USP24: variants seen among roughly 807,000 people sequenced by gnomAD.
USP24 encodes ubiquitin carboxyl-terminal hydrolase 24.
USP24 carries 97 observed loss-of-function variants against 361.6 expected under a neutral mutation model. The observed-to-expected ratio is 0.27, with a 90% CI of 0.23 to 0.32. The LOEUF (loss-of-function observed/expected upper bound fraction) is 0.32, where lower values mean the gene tolerates loss of function less well. Ranked by LOEUF, USP24 falls within the 10% of genes least tolerant of loss-of-function variation. USP24 has a pLI of 1.00. For synonymous variants in USP24, 1,098 were observed against 1,124.6 expected (o/e 0.98, Z 0.47); for missense variants, 2,353 against 3,165.6 (o/e 0.74, Z 6.16).
rs547091559 is a variant in USP24 at position 55,202,659 on chromosome 1, C to T, written c.324+12131G>A. 5.3e-5 allele frequency among the ~76,000 whole-genome samples: 8 copies of T among 152,330 alleles called. No homozygotes were observed. In the South Asian group the frequency reaches 1.7e-3, roughly 32 times the overall value. ...ACCTCAGGTGATCCACCTGCCTTGG[C>T]CTCCCAAAGTGCTGTGATTACAGGC... On this transcript the variant is annotated intron_variant, in intron 1 of 67. Coordinates refer to ENST00000294383, the MANE Select transcript of USP24 (RefSeq NM_015306.3).
intron 67 of USP24, among the ~76,000 whole-genome samples, chr1:55,070,486 T>C (rs77868073): frequency 0.026 from 3,889 of 152,198 alleles, 62 homozygotes; most frequent in Non-Finnish European, 0.037. Flanking sequence ...CCAGGAGCGC[T>C]AGATGCTGCC....
intron 40 of USP24, among the ~76,000 whole-genome samples, chr1:55,106,969 C>A (rs75400710): frequency 0.015 from 2,229 of 152,212 alleles, 59 homozygotes; most frequent in African/African-American, 0.052. Context: ...AGAGAAAAAT[C>A]TACTTTGAAT....
At position 55,072,484 on chromosome 1, in the gene USP24, G is replaced by A. The variant is rs538996194; in HGVS notation, c.7603-81C>T. 25 of 1,168,958 alleles carry A rather than the reference G, an allele frequency of 2.1e-5. No homozygotes were observed. In the East Asian group the frequency reaches 6.2e-4, roughly 29 times the overall value. The allele number at this position is 1,168,958 out of a possible 1,614,324, so 72.4% of individuals were successfully genotyped here. On this transcript the variant is annotated intron_variant, in intron 65 of 67. Coordinates refer to ENST00000294383, the MANE Select transcript of USP24 (RefSeq NM_015306.3). The stretch of plus-strand genomic sequence containing the variant: ...CACAGTTTCTACCATTAGATATTGA[G>A]TCTTAAAAGCATCCCAAGTAGGGTA...
chr1:55,129,428 A>T (rs1646528697), intron 32 of USP24, 49 bp downstream of exon 32: 2 of 1,499,090 alleles, frequency 1.3e-6, no homozygotes. Flanking sequence ...AACTAAAATA[A>T]CTATATTCAT....
At chr1:55,071,953 A>G (rs758041265) in intron 66 of USP24, 29 bp from the exon 67 acceptor site, 1 of 1,575,330 alleles carries the variant, frequency 6.3e-7, no homozygotes, top group African/African-American at 1.3e-5. Context: ...CAAGACGACA[A>G]AGTTAGGGCC....
Position 55,083,305 on chromosome 1 carries a change from G to A in USP24, c.6942C>T (p.Ser2314=). ...TTTGCCGACTGGCCCCTAGGAGGAA[G>A]CTGATCATGTGCCGCAGAGCTGAAT... The part of the protein sequence containing the change: ...LRHSALRHMI[S]FLLGASRQNN... The change falls in exon 58 of 68, where the codon AGC becomes AGT. Residue 2314 remains serine, a synonymous_variant. Transcript: ENST00000294383. The A allele has an allele frequency of 6.2e-7, 1 of 1,613,780 alleles. No homozygotes were observed. The highest frequency in any genetic ancestry group is 8.5e-7 in the Non-Finnish European group (1 of 1,179,722).
chr1:55,087,614 C>T (rs960853566), intron 55 of USP24, among the ~76,000 whole-genome samples: 26 of 152,216 alleles, frequency 1.7e-4, no homozygotes, highest in African/African-American at 6.0e-4. Flanking sequence ...GAAATGCTTA[C>T]TGATTCTTTT....
In USP24 at chr1:55,154,173, C is replaced by T; in HGVS notation, c.1758G>A (p.Val586=). The change falls in exon 15 of 68, where the codon GTG becomes GTA. Residue 586 remains valine, a synonymous_variant. Transcript: ENST00000294383. ...HLTILSDAYA[V]KEAIKRSYII... is the part of the protein sequence containing the mutation. ...TGTAGCTCCTCTTGATTGCTTCTTT[C>T]ACTGCATATGCATCACTAAGGATTG... is the stretch of plus-strand genomic sequence containing the variant. The T allele has an allele frequency of 6.2e-7, 1 of 1,613,656 alleles. No individual in the cohort carries two copies. The highest frequency in any genetic ancestry group is 8.5e-7 in the Non-Finnish European group (1 of 1,179,712).
chr1:55,074,309 C>G (rs1035596104), intron 63 of USP24, among the ~76,000 whole-genome samples: 1 of 152,030 alleles, frequency 6.6e-6, no homozygotes, highest in African/African-American at 2.4e-5. Context: ...GTCAGTTCAG[C>G]AATTATCACC....
At chr1:55,206,604 C>G (rs1256822596) in intron 1 of USP24, among the ~76,000 whole-genome samples, 1 of 140,004 alleles carries the variant, frequency 7.1e-6, no homozygotes, top group Non-Finnish European at 1.5e-5. Flanking sequence ...ACAATTAAAA[C>G]TTATATTTTA....
chr1:55,150,895 G>A (rs74073052), intron 16 of USP24, among the ~76,000 whole-genome samples: 5,439 of 152,184 alleles, frequency 0.036, 306 homozygotes, highest in African/African-American at 0.12. Context: ...TCATAAGTAG[G>A]ACCTGATGGG....
chr1:55,097,767 GA>G, intron 47 of USP24, 50 bp from the exon 48 acceptor site: 1 of 1,515,662 alleles, frequency 6.6e-7, no homozygotes, highest in African/African-American at 1.4e-5. Context: ...TCTCCATGGA[GA>G]AAATAAAACA....
intron 59 of USP24, among the ~76,000 whole-genome samples, chr1:55,080,545 G>A (rs1182167941): frequency 1.3e-5 from 2 of 152,118 alleles, no homozygotes; most frequent in Non-Finnish European, 2.9e-5. Context: ...CTCCTCATAG[G>A]TTTGTTACGG....
At chr1:55,128,062 TACAA>T (rs1646485872) in intron 32 of USP24, among the ~76,000 whole-genome samples, 1 of 152,232 alleles carries the variant, frequency 6.6e-6, no homozygotes, top group Non-Finnish European at 1.5e-5. Context: ...GGACCTTGTA[TACAA>T]ACAAACTTAT....
At chr1:55,083,706 T>C in intron 57 of USP24, 66 bp downstream of exon 57, 3 of 1,219,964 alleles carry the variant, frequency 2.5e-6, no homozygotes, top group Non-Finnish European at 3.4e-6. Context: ...TACTATCCAG[T>C]CTAAAAATTT....
intron 55 of USP24, among the ~76,000 whole-genome samples, chr1:55,089,065 C>T (rs1188238000): frequency 1.3e-5 from 2 of 151,924 alleles, no homozygotes; most frequent in African/African-American, 4.8e-5. Flanking sequence ...CACAACCACG[C>T]CCGGCTAATT....
chr1:55,115,187 C>T (rs1646070600), intron 38 of USP24, among the ~76,000 whole-genome samples: 1 of 151,982 alleles, frequency 6.6e-6, no homozygotes, highest in African/African-American at 2.4e-5. Flanking sequence ...AATGAGATAC[C>T]ATCTTACATG....
chr1:55,103,740 G>T, intron 42 of USP24, 136 bp downstream of exon 42: 1 of 878,064 alleles, frequency 1.1e-6, no homozygotes. Context: ...TACTTGATTT[G>T]AGTATGTGAA....
Position 55,147,636 on chromosome 1 carries a change from C to T in USP24, c.2118+13G>A. 1 of 1,580,222 alleles carries T rather than the reference C, an allele frequency of 6.3e-7. No individual in the cohort carries two copies. Among genetic ancestry groups the T allele is most frequent in the South Asian group, 1.2e-5 (1 of 85,278 alleles). ...TGTTGTAAATCATGAAGCAAAAACA[C>T]AAGGCCTGATACCTCCCGGTAAGTG... On this transcript the variant is annotated intron_variant, in intron 18 of 67. Coordinates refer to ENST00000294383, the MANE Select transcript of USP24 (RefSeq NM_015306.3).
Sources: allele counts gnomAD v4.1 joint callset (sites outside exome capture counted in the v4.1 genomes callset), GRCh38; gene constraint gnomAD v4.1.1; transcripts MANE v1.5; gene names NCBI Gene and HGNC (gene_info 2026-07-23, HGNC 2026-07-21).